The following CACNB2 variants were observed in gnomAD, a reference collection of about 807,000 sequenced individuals.
CACNB2 encodes voltage-dependent L-type calcium channel subunit beta-2.
A neutral mutation model predicts 73.3 loss-of-function variants in CACNB2; 42 were observed. The observed-to-expected ratio is 0.57, with a 90% CI of 0.45 to 0.74. CACNB2 has a LOEUF of 0.74. Ranked by LOEUF, CACNB2 falls within the 30% of genes least tolerant of loss-of-function variation. The pLI is 0.00. For missense variants in CACNB2, 940 were observed against 853.0 expected, an observed-to-expected ratio of 1.10 and a Z score of -1.27; for synonymous variants, 348 against 310.3, an observed-to-expected ratio of 1.12 and a Z score of -1.28.
At chr10:18,523,919 C>A (rs2052179432) in intron 9 of CACNB2, among the ~76,000 whole-genome samples, 1 of 152,180 alleles carries the variant, frequency 6.6e-6, no homozygotes, top group Non-Finnish European at 1.5e-5. Flanking sequence ...GTCAAGAATT[C>A]CTTTTTCTTT....
At chr10:18,526,278 C>T (rs2052463379) in intron 9 of CACNB2, among the ~76,000 whole-genome samples, 3 of 152,164 alleles carry the variant, frequency 2.0e-5, no homozygotes, top group Non-Finnish European at 2.9e-5. Flanking sequence ...CAAAACTGTA[C>T]AATGAGAAGA....
In CACNB2 at chr10:18,500,878, A is replaced by G; in HGVS notation, c.523A>G (p.Ser175Gly). 6.2e-7 allele frequency: 1 copy of G among 1,614,070 alleles called. No individual in the cohort carries two copies. Among genetic ancestry groups the G allele is most frequent in the Non-Finnish European group, 8.5e-7 (1 of 1,179,944 alleles). The change falls in exon 5 of 14, where the codon AGC (serine) becomes GGC (glycine). Residue 175 changes from serine to glycine, a missense_variant. Physicochemically the swap from Ser to Gly is moderately conservative, Grantham distance 56. Coordinates refer to ENST00000324631, the MANE Select transcript of CACNB2 (RefSeq NM_201596.3). ...KEGCEIGFIPSPVKLENMRLQ... is the reference protein window; with the variant it reads ...KEGCEIGFIPGPVKLENMRLQ... ...AGGCTGTGAAATCGGATTCATTCCA[A>G]GCCCAGTCAAACTAGAAAACATGAG...
intron 11 of CACNB2, among the ~76,000 whole-genome samples, chr10:18,534,714 G>C (rs1466501272): frequency 2.0e-5 from 3 of 152,070 alleles, no homozygotes; most frequent in African/African-American, 7.2e-5. Context: ...ATTAAATCTT[G>C]ACTTTTAATA....
Position 18,178,372 on chromosome 10 carries a change from T to A in CACNB2, c.213+27397T>A, listed in dbSNP as rs1004190493. 1.2e-4 allele frequency among the ~76,000 whole-genome samples: 19 copies of A among 152,216 alleles called. 1 individual carries two copies. The highest frequency in any genetic ancestry group is 1.2e-3 in the Admixed American group (19 of 15,276). The stretch of plus-strand genomic sequence containing the variant: ...TTGTTAGAGCCTAATCTTCTCAGAT[T>A]CCTTCTCATTCAAGAAATGTTGATT... On this transcript the variant is annotated intron_variant, in intron 2 of 13. Transcript: ENST00000324631.
chr10:18,292,047 GA>G (rs2131777236), intron 2 of CACNB2, among the ~76,000 whole-genome samples: 1 of 152,204 alleles, frequency 6.6e-6, no homozygotes, highest in African/African-American at 2.4e-5. Flanking sequence ...TACACACACA[GA>G]ATTTAAAGTG....
At chr10:18,308,175 G>T (rs1412163238) in intron 2 of CACNB2, among the ~76,000 whole-genome samples, 2 of 151,558 alleles carry the variant, frequency 1.3e-5, no homozygotes, top group African/African-American at 4.9e-5. Flanking sequence ...TGTATTTTTG[G>T]TAGAGTCCGG....
At chr10:18,261,465 A>G in intron 2 of CACNB2, 1 of 1,079,850 alleles carries the variant, frequency 9.3e-7, no homozygotes, top group Non-Finnish European at 1.4e-6. Flanking sequence ...TTTTCAAGGA[A>G]TCTGAGGTAT....
intron 2 of CACNB2, among the ~76,000 whole-genome samples, chr10:18,307,121 A>C (rs1476349103): frequency 6.6e-6 from 1 of 152,162 alleles, no homozygotes; most frequent in African/African-American, 2.4e-5. Flanking sequence ...AGCTAGGTGA[A>C]ATCGTGTTTA....
intron 2 of CACNB2, among the ~76,000 whole-genome samples, chr10:18,155,913 A>G (rs2032014943): frequency 7.0e-6 from 1 of 142,172 alleles, no homozygotes; most frequent in African/African-American, 2.6e-5. Context: ...ATATATATAT[A>G]TATATATGTC....
intron 2 of CACNB2, among the ~76,000 whole-genome samples, chr10:18,158,827 T>A (rs1032362376): frequency 1.3e-5 from 2 of 152,228 alleles, no homozygotes; most frequent in Non-Finnish European, 2.9e-5. Flanking sequence ...ATTTGTGCTG[T>A]TCTTTTCAAG....
intron 10 of CACNB2, among the ~76,000 whole-genome samples, chr10:18,531,347 T>C (rs924731408): frequency 6.6e-6 from 1 of 152,178 alleles, no homozygotes; most frequent in Non-Finnish European, 1.5e-5. Flanking sequence ...CCTCCCACCC[T>C]GATAGGCCCC....
intron 2 of CACNB2, among the ~76,000 whole-genome samples, chr10:18,326,822 G>A (rs1382928230): frequency 6.6e-6 from 1 of 152,112 alleles, no homozygotes; most frequent in Non-Finnish European, 1.5e-5. Context: ...GACCTTCTGG[G>A]CTCAAGCAAT....
intron 1 of CACNB2, among the ~76,000 whole-genome samples, chr10:18,145,085 G>C (rs897066386): frequency 6.6e-6 from 1 of 152,188 alleles, no homozygotes; most frequent in African/African-American, 2.4e-5. Flanking sequence ...ACAGTAACCA[G>C]TGGGCCTGTT....
intron 2 of CACNB2, among the ~76,000 whole-genome samples, chr10:18,222,407 T>TACAC (rs59165053): frequency 0.027 from 4,084 of 149,872 alleles, 106 homozygotes; most frequent in African/African-American, 0.068. Context: ...CACACACACA[T>TACAC]ACACACACAC....
At chr10:18,299,459 G>A (rs1031896989) in intron 2 of CACNB2, among the ~76,000 whole-genome samples, 3 of 152,150 alleles carry the variant, frequency 2.0e-5, no homozygotes, top group African/African-American at 7.2e-5. Context: ...CTGGCTTTAG[G>A]CATCAGTTTT....
chr10:18,408,951 C>G (rs148498669), intron 3 of CACNB2, among the ~76,000 whole-genome samples: 56 of 152,266 alleles, frequency 3.7e-4, no homozygotes, highest in African/African-American at 1.3e-3. Context: ...CTCCTGGGCT[C>G]AAGTGATCCT....
At chr10:18,479,353 A>G (rs1350520179) in intron 3 of CACNB2, among the ~76,000 whole-genome samples, 2 of 152,136 alleles carry the variant, frequency 1.3e-5, no homozygotes, top group African/African-American at 4.8e-5. Flanking sequence ...CTGTGCTGAG[A>G]AATTACTGTA....
At chr10:18,437,886 A>T (rs1016370235) in intron 3 of CACNB2, among the ~76,000 whole-genome samples, 1 of 152,118 alleles carries the variant, frequency 6.6e-6, no homozygotes, top group African/African-American at 2.4e-5. Context: ...AGGCAAATTG[A>T]CATAGAACAT....
chr10:18,215,711 A>G (rs1333419217), intron 2 of CACNB2, among the ~76,000 whole-genome samples: 4 of 152,202 alleles, frequency 2.6e-5, no homozygotes, highest in African/African-American at 7.2e-5. Context: ...TGATGAGCAC[A>G]GCACTAAGGA....
Sources: allele counts gnomAD v4.1 joint callset (sites outside exome capture counted in the v4.1 genomes callset), GRCh38; gene constraint gnomAD v4.1.1; transcripts MANE v1.5; gene names NCBI Gene and HGNC (gene_info 2026-07-23, HGNC 2026-07-21).